Variants in CDC42BPA observed in about 807,000 individuals in gnomAD.
CDC42BPA encodes CDC42 binding protein kinase alpha.
In CDC42BPA, 80 loss-of-function variants were observed where a neutral mutation model predicts 223.5. The observed-to-expected ratio is 0.36, with a 90% CI of 0.30 to 0.43. The LOEUF is 0.43. Ranked by LOEUF, CDC42BPA falls within the 20% of genes least tolerant of loss-of-function variation. The probability of loss-of-function intolerance (pLI) is 1.00; values close to 1 mark genes in which losing one functional copy is unlikely to be tolerated. For missense variants in CDC42BPA, 1,743 were observed against 2,099.9 expected (o/e 0.83, Z 3.32); for synonymous variants, 694 against 718.6 (o/e 0.97, Z 0.55).
In CDC42BPA at chr1:227,265,174, C is replaced by T. The variant is rs1684772447; in HGVS notation, c.179-11019G>A. On this transcript the variant is annotated intron_variant, in intron 1 of 36. Coordinates refer to ENST00000366766, the MANE Select transcript of CDC42BPA (RefSeq NM_001394014.1). ...AACCACTTCCACAGTGGTAGGAAGA[C>T]CAGCAGCACAAACACCAAAGCGTGC... 1.0e-5 allele frequency: 7 copies of T among 678,490 alleles called. No individual in the cohort carries two copies. The South Asian group carries it at 1.1e-4, about 11-fold the overall frequency. 42.0% of individuals were successfully genotyped at this position (678,490 alleles called of 1,614,324 possible).
At chr1:227,211,451 T>C (rs79734921) in intron 3 of CDC42BPA, among the ~76,000 whole-genome samples, 3,172 of 152,258 alleles carry the variant, frequency 0.021, 124 homozygotes, top group African/African-American at 0.072. Context: ...CCTGTACTTA[T>C]ATGTTTATCA....
intron 14 of CDC42BPA, among the ~76,000 whole-genome samples, chr1:227,104,693 C>T (rs945222899): frequency 6.6e-6 from 1 of 152,080 alleles, no homozygotes; most frequent in African/African-American, 2.4e-5. Flanking sequence ...AGGCACACCC[C>T]TAATTCATTA....
intron 24 of CDC42BPA, among the ~76,000 whole-genome samples, chr1:227,035,818 T>C (rs1572394925): frequency 6.6e-6 from 1 of 152,332 alleles, no homozygotes. Context: ...ATTACTTGTA[T>C]TACTGCTGTT....
intron 5 of CDC42BPA, chr1:227,183,013 G>C (rs763165042): frequency 6.6e-6 from 1 of 152,134 alleles, no homozygotes; most frequent in Non-Finnish European, 1.5e-5. Context: ...CTGGTTTTCC[G>C]GCTTTCAAAC....
At chr1:227,014,891 T>A (rs1054497743) in intron 34 of CDC42BPA, among the ~76,000 whole-genome samples, 4 of 152,204 alleles carry the variant, frequency 2.6e-5, no homozygotes, top group African/African-American at 9.6e-5. Flanking sequence ...TCCACTAATA[T>A]TCTTAATTTA....
intron 30 of CDC42BPA, among the ~76,000 whole-genome samples, chr1:227,027,685 G>A (rs1005754973): frequency 2.6e-5 from 4 of 152,032 alleles, no homozygotes; most frequent in South Asian, 2.1e-4. Context: ...GCTTTATCAC[G>A]AATCTTTTCC....
At chr1:227,078,632 G>C (rs1394893669) in intron 17 of CDC42BPA, among the ~76,000 whole-genome samples, 1 of 152,006 alleles carries the variant, frequency 6.6e-6, no homozygotes, top group African/African-American at 2.4e-5. Flanking sequence ...CTGATGAAAG[G>C]GATATTTCAT....
At chr1:227,187,682 C>A (rs1243649616) in intron 5 of CDC42BPA, among the ~76,000 whole-genome samples, 3 of 24,922 alleles carry the variant, frequency 1.2e-4, no homozygotes, top group African/African-American at 2.6e-4. Flanking sequence ...ACCCCCCACC[C>A]CCCCCCCAAA....
At chr1:227,277,939 CG>C (rs556916293) in intron 1 of CDC42BPA, among the ~76,000 whole-genome samples, 2,750 of 152,210 alleles carry the variant, frequency 0.018, 39 homozygotes, top group Non-Finnish European at 0.026. Flanking sequence ...TTAGTAGAGA[CG>C]GGGTTTCACC....
intron 22 of CDC42BPA, among the ~76,000 whole-genome samples, chr1:227,051,356 T>C (rs1673488412): frequency 6.6e-6 from 1 of 152,186 alleles, no homozygotes; most frequent in East Asian, 1.9e-4. Flanking sequence ...TTTAAAACCA[T>C]TGATTGACAT....
At chr1:227,031,062 AGCACTGTTGTTTTTTCAGGAAAAAAAAG>A (rs1669182580) in intron 28 of CDC42BPA, among the ~76,000 whole-genome samples, 1 of 152,180 alleles carries the variant, frequency 6.6e-6, no homozygotes, top group Non-Finnish European at 1.5e-5. Context: ...GCTAATGCTT[AGCACTGTTGTTTTTTCAGGAAAAAAAAG>A]GCACTTTGAA....
chr1:227,271,758 T>C (rs774188378), intron 1 of CDC42BPA, among the ~76,000 whole-genome samples: 1 of 152,194 alleles, frequency 6.6e-6, no homozygotes, highest in African/African-American at 2.4e-5. Flanking sequence ...TGAGCACCTA[T>C]TCAATACCAG....
At chr1:227,222,032 T>C (rs931356441) in intron 2 of CDC42BPA, among the ~76,000 whole-genome samples, 1 of 107,770 alleles carries the variant, frequency 9.3e-6, no homozygotes, top group Non-Finnish European at 1.7e-5. Flanking sequence ...CAGAGCAACA[T>C]AGGAAGACCC....
chr1:227,020,000 G>A (rs377723389), intron 32 of CDC42BPA, among the ~76,000 whole-genome samples: 1 of 151,964 alleles, frequency 6.6e-6, no homozygotes, highest in African/African-American at 2.4e-5. Context: ...AGGTTCAAGC[G>A]ATTCTCCTGC....
In CDC42BPA at chr1:227,179,635, C is replaced by CA. The variant is rs59744442; in HGVS notation, c.599+14150dup. On this transcript the variant is annotated intron_variant, in intron 5 of 36. Transcript: ENST00000366766. ...TGGGCAACAGAGCGAGCCTCCATCT[C>CA]AAAAAAAAAAAAAAAAAAAAAAAAA... is the stretch of plus-strand genomic sequence containing the variant. Among the ~76,000 whole-genome samples the CA allele has an allele frequency of 4.4e-3, 150 of 34,238 alleles. 24 individuals are homozygous for CA. The highest frequency in any genetic ancestry group is 0.04 in the Admixed American group (66 of 1,658). The allele number at this position is 34,238 out of a possible 152,430, so 22.5% of individuals were successfully genotyped here.
chr1:227,307,667 A>G (rs886703055), intron 1 of CDC42BPA, among the ~76,000 whole-genome samples: 5 of 152,348 alleles, frequency 3.3e-5, no homozygotes, highest in African/African-American at 1.2e-4. Flanking sequence ...ATATCTCTAG[A>G]AATATAATTT....
Position 227,317,135 on chromosome 1 carries a change from G to A in CDC42BPA, c.48C>T (p.Asp16=), listed in dbSNP as rs779203556. ...ACTGCCCATTGGTCTGAGCGGGCCC[G>A]TCCAAAATAAACTGCTCCAACTGCC... ...RLRQLEQFIL[D]GPAQTNGQCF... is the part of the protein sequence containing the mutation. The change falls in exon 1 of 37, where the codon GAC becomes GAT. Residue 16 remains aspartate, a synonymous_variant. Transcript: ENST00000366766. 3.1e-6 allele frequency: 5 copies of A among 1,612,402 alleles called. No homozygotes were observed. In the South Asian group the frequency reaches 4.4e-5, roughly 14 times the overall value.
At chr1:227,016,814 T>C in intron 33 of CDC42BPA, 113 bp downstream of exon 33, 1 of 1,039,642 alleles carries the variant, frequency 9.6e-7, no homozygotes, top group Non-Finnish European at 1.4e-6. Context: ...ACACCACAGA[T>C]CAATGAGATT....
At chr1:227,030,706 G>C (rs1435940012) in intron 28 of CDC42BPA, among the ~76,000 whole-genome samples, 3 of 152,116 alleles carry the variant, frequency 2.0e-5, no homozygotes, top group Non-Finnish European at 4.4e-5. Flanking sequence ...TTTAATAAAT[G>C]ATGAAACAAA....
Sources: allele counts gnomAD v4.1 joint callset (sites outside exome capture counted in the v4.1 genomes callset), GRCh38; gene constraint gnomAD v4.1.1; transcripts MANE v1.5; gene names NCBI Gene and HGNC (gene_info 2026-07-23, HGNC 2026-07-21).